BMP6: variants seen among roughly 807,000 people sequenced by gnomAD.
BMP6 encodes bone morphogenetic protein 6.
BMP6 carries 17 observed loss-of-function variants against 54.1 expected under a neutral mutation model. The ratio of observed to expected loss-of-function variants is 0.31; its 90% CI spans 0.22 to 0.47. BMP6 has a LOEUF of 0.47. Among genes scored for constraint, BMP6 ranks in the 20% least tolerant of loss-of-function variants. The pLI, the probability that BMP6 is intolerant of heterozygous loss-of-function variation, is 1.00. For synonymous variants in BMP6, 328 were observed against 291.2 expected, an observed-to-expected ratio of 1.13 and a Z score of -1.28; for missense variants, 720 against 690.4, an observed-to-expected ratio of 1.04 and a Z score of -0.48.
At chr6:7,737,697 C>A (rs573598484) in intron 1 of BMP6, among the ~76,000 whole-genome samples, 48 of 151,834 alleles carry the variant, frequency 3.2e-4, no homozygotes, top group African/African-American at 1.1e-3. Flanking sequence ...GCACTTATTT[C>A]CACTTTCGTA....
intron 1 of BMP6, among the ~76,000 whole-genome samples, chr6:7,752,981 C>G (rs192849872): frequency 1.3e-5 from 2 of 152,182 alleles, no homozygotes; most frequent in Admixed American, 1.3e-4. Context: ...GCCTATCATG[C>G]TGCAGAAGCT....
At chr6:7,859,002 C>A (rs574188506) in intron 2 of BMP6, among the ~76,000 whole-genome samples, 1 of 152,032 alleles carries the variant, frequency 6.6e-6, no homozygotes, top group African/African-American at 2.4e-5. Flanking sequence ...CAGAGTGACT[C>A]GGTAGCAGAG....
At chr6:7,773,835 T>C (rs1757823990) in intron 1 of BMP6, among the ~76,000 whole-genome samples, 1 of 152,222 alleles carries the variant, frequency 6.6e-6, no homozygotes, top group South Asian at 2.1e-4. Context: ...CTAGGGTTAA[T>C]GGGACAGGTT....
At chr6:7,811,057 T>C (rs1479216445) in intron 1 of BMP6, among the ~76,000 whole-genome samples, 4 of 152,126 alleles carry the variant, frequency 2.6e-5, no homozygotes, top group Non-Finnish European at 5.9e-5. Context: ...GCCTGATAGG[T>C]GCCCCATTAC....
At chr6:7,814,819 G>A (rs970962909) in intron 1 of BMP6, among the ~76,000 whole-genome samples, 5 of 152,058 alleles carry the variant, frequency 3.3e-5, no homozygotes, top group African/African-American at 4.8e-5. Context: ...GGGGCCTGTC[G>A]GGGTGAGGCA....
chr6:7,850,549 T>G (rs1467056640), intron 2 of BMP6, among the ~76,000 whole-genome samples: 1 of 152,178 alleles, frequency 6.6e-6, no homozygotes, highest in Non-Finnish European at 1.5e-5. Context: ...TTGACAGAAT[T>G]CACAAAATCT....
chr6:7,790,470 A>C (rs956830116), intron 1 of BMP6, among the ~76,000 whole-genome samples: 14 of 138,080 alleles, frequency 1.0e-4, no homozygotes, highest in African/African-American at 3.8e-4. Context: ...GTGAGCTGAG[A>C]TCGCACTGCA....
Position 7,841,176 on chromosome 6 carries a change from C to G in BMP6, c.665-3964C>G, listed in dbSNP as rs79053044. On this transcript the variant is annotated intron_variant, in intron 1 of 6. Transcript: ENST00000283147. Reference sequence around the variant, plus strand: ...ACTGAAACTTTATTATTTAACTCAGCATCATATAGGTAAGAAAAAAGCTAG... The same window carrying G: ...ACTGAAACTTTATTATTTAACTCAGGATCATATAGGTAAGAAAAAAGCTAG... Among the ~76,000 whole-genome samples the G allele has an allele frequency of 5.9e-5, 9 of 152,320 alleles. No homozygotes were observed. The East Asian group carries it at 1.7e-3, about 29-fold the overall frequency.
chr6:7,839,862 T>C lies in BMP6; in HGVS notation c.665-5278T>C, dbSNP rs1758939217. ...GCTGGATCAATGCTAATTTTATGTTTGTTTGAGGAATTGCCACACTATTTG... is the reference window on the plus strand; with the variant it reads ...GCTGGATCAATGCTAATTTTATGTTCGTTTGAGGAATTGCCACACTATTTG... On this transcript the variant is annotated intron_variant, in intron 1 of 6. Transcript: ENST00000283147. Among the ~76,000 whole-genome samples the C allele has an allele frequency of 2.0e-5, 3 of 152,250 alleles. No homozygotes were observed. In the South Asian group the frequency reaches 6.2e-4, roughly 31 times the overall value.
chr6:7,861,987 G>C (rs1487475674), intron 3 of BMP6, among the ~76,000 whole-genome samples: 1 of 152,186 alleles, frequency 6.6e-6, no homozygotes, highest in African/African-American at 2.4e-5. Context: ...CCAGCAGCTT[G>C]AGGTCCCCAC....
rs1281230769 is a variant in BMP6 at position 7,881,310 on chromosome 6, A to G, written c.*967A>G. On this transcript the variant is annotated 3_prime_UTR_variant, in exon 7 of 7. Coordinates refer to ENST00000283147, the MANE Select transcript of BMP6 (RefSeq NM_001718.6). ...CGGAAATCATGATTTCCCTTGTAGA[A>G]AGTGAGGCTCAGATTAAATTTTAGA... is the stretch of plus-strand genomic sequence containing the variant. 1.3e-5 allele frequency: 2 copies of G among 152,654 alleles called. No individual in the cohort carries two copies. The highest frequency in any genetic ancestry group is 1.3e-4 in the Admixed American group (2 of 15,282). 9.5% of individuals were successfully genotyped at this position (152,654 alleles called of 1,614,324 possible). A position where few individuals can be genotyped will look rare whatever the true frequency, so the allele number is the denominator to read the frequency against.
intron 1 of BMP6, among the ~76,000 whole-genome samples, chr6:7,765,787 C>T (rs1404276841): frequency 6.6e-6 from 1 of 152,234 alleles, no homozygotes; most frequent in Non-Finnish European, 1.5e-5. Context: ...CCGGCAGGGC[C>T]GTGTTCCTTC....
At chr6:7,805,439 A>C (rs1363258599) in intron 1 of BMP6, among the ~76,000 whole-genome samples, 1 of 152,234 alleles carries the variant, frequency 6.6e-6, no homozygotes, top group African/African-American at 2.4e-5. Context: ...GTGTTATTTT[A>C]ATGAGAGATA....
chr6:7,878,192 T>A (rs2113297256), intron 4 of BMP6, among the ~76,000 whole-genome samples: 1 of 152,262 alleles, frequency 6.6e-6, no homozygotes, highest in African/African-American at 2.4e-5. Context: ...GTAGCATCCA[T>A]GTTCTGGTTT....
intron 2 of BMP6, among the ~76,000 whole-genome samples, chr6:7,860,864 G>A (rs986860612): frequency 6.6e-6 from 1 of 152,102 alleles, no homozygotes; most frequent in African/African-American, 2.4e-5. Flanking sequence ...AAGAAAAAAT[G>A]AGCAAAGCCC....
chr6:7,861,854 A>G (rs1759340498), intron 3 of BMP6, among the ~76,000 whole-genome samples: 1 of 152,142 alleles, frequency 6.6e-6, no homozygotes, highest in Admixed American at 6.5e-5. Context: ...CGATGGGAGG[A>G]CAGCTTTTCT....
intron 1 of BMP6, among the ~76,000 whole-genome samples, chr6:7,801,337 C>T (rs999839191): frequency 2.0e-5 from 3 of 152,168 alleles, no homozygotes; most frequent in East Asian, 1.9e-4. Flanking sequence ...CATCGCTGAG[C>T]GGTGACGCAC....
At chr6:7,754,749 G>C (rs994799347) in intron 1 of BMP6, among the ~76,000 whole-genome samples, 46 of 152,124 alleles carry the variant, frequency 3.0e-4, no homozygotes, top group African/African-American at 1.0e-3. Flanking sequence ...ACAGAGTCTC[G>C]CTCTATTGCC....
chr6:7,849,939 A>G (rs565594567), intron 2 of BMP6, among the ~76,000 whole-genome samples: 4 of 152,156 alleles, frequency 2.6e-5, no homozygotes, highest in Admixed American at 1.3e-4. Flanking sequence ...AGAATTACCA[A>G]ATTTAAAATT....
Sources: allele counts gnomAD v4.1 joint callset (sites outside exome capture counted in the v4.1 genomes callset), GRCh38; gene constraint gnomAD v4.1.1; transcripts MANE v1.5; gene names NCBI Gene and HGNC (gene_info 2026-07-23, HGNC 2026-07-21).